Variants in AGR3 observed in about 807,000 individuals in gnomAD.
AGR3 encodes anterior gradient 3, protein disulphide isomerase family member, also known as anterior gradient protein 3.
AGR3 carries 37 observed loss-of-function variants against 24.5 expected under a neutral mutation model. The ratio of observed to expected loss-of-function variants is 1.51; its 90% CI spans 1.16 to 1.99. The LOEUF (loss-of-function observed/expected upper bound fraction) is 1.99, where lower values mean the gene tolerates loss of function less well. Ranked by LOEUF, AGR3 falls within the 30% of genes most tolerant of loss-of-function variation. The pLI is 0.00. For synonymous variants in AGR3, 75 were observed against 61.6 expected (o/e 1.22, Z -1.02); for missense variants, 228 against 191.1 (o/e 1.19, Z -1.14).
Position 16,859,442 on chromosome 7 carries a change from A to G in AGR3, c.*140T>C. 1.6e-6 allele frequency: 1 copy of G among 607,178 alleles called. No individual in the cohort carries two copies. The highest frequency in any genetic ancestry group is 2.9e-6 in the Non-Finnish European group (1 of 347,980). The allele number at this position is 607,178 out of a possible 1,614,324, so 37.6% of individuals were successfully genotyped here. ...TTTAAAAAACATTTATTTTAATAAG[A>G]CTATTGCAAACACATTAAAAAAACT... On this transcript the variant is annotated 3_prime_UTR_variant, in exon 8 of 8. Coordinates refer to ENST00000310398, the MANE Select transcript of AGR3 (RefSeq NM_176813.5).
In AGR3 at chr7:16,860,592, G is replaced by GA. The variant is rs1374890617; in HGVS notation, c.368-10dup. 4 of 1,597,262 alleles carry GA rather than the reference G, an allele frequency of 2.5e-6. No individual in the cohort carries two copies. The highest frequency in any genetic ancestry group is 1.1e-5 in the South Asian group (1 of 88,358). ...AACTGTTAAAGAAGGGTCTGTCAAG[G>GA]AAAAAACCAAGTCACGAAAGTATAA... is the stretch of plus-strand genomic sequence containing the variant. On this transcript the variant is annotated splice_polypyrimidine_tract_variant and intron_variant, in intron 6 of 7. Coordinates refer to ENST00000310398, the MANE Select transcript of AGR3 (RefSeq NM_176813.5).
intron 6 of AGR3, 69 bp downstream of exon 6, chr7:16,861,315 A>G: frequency 7.9e-7 from 1 of 1,262,426 alleles, no homozygotes; most frequent in Admixed American, 2.4e-5. Flanking sequence ...ACTAGCATTT[A>G]AAAATAAAAG....
At chr7:16,862,575 A>T (rs1781670747) in intron 4 of AGR3, 35 bp downstream of exon 4, 2 of 1,326,754 alleles carry the variant, frequency 1.5e-6, no homozygotes, top group East Asian at 2.7e-5. Context: ...TGGAAATATT[A>T]TATATTATAA....
intron 3 of AGR3, among the ~76,000 whole-genome samples, chr7:16,869,354 C>CTTTGT (rs571910428): frequency 3.4e-4 from 51 of 152,044 alleles, no homozygotes; most frequent in South Asian, 1.0e-3. Context: ...AGTATAGCTA[C>CTTTGT]TTTGTTTTGT....
chr7:16,865,072 C>G, intron 3 of AGR3: 1 of 777,462 alleles, frequency 1.3e-6, no homozygotes, highest in Non-Finnish European at 2.3e-6. Flanking sequence ...GAGTCTGATT[C>G]TGTTAAAGAT....
rs1219872004 is a variant in AGR3 at position 16,880,523 on chromosome 7, TCCCC to T, written c.-28+1417_-28+1420del. On this transcript the variant is annotated intron_variant, in intron 1 of 7. Coordinates refer to ENST00000310398, the MANE Select transcript of AGR3 (RefSeq NM_176813.5). ...CTTTCCCCTCCTCTTTCCCCTCCTC[TCCCC>T]TCCCCTCCCCTCCCCTCCTCTCCCC... Among the ~76,000 whole-genome samples, 339 of 34,620 alleles carry T rather than the reference TCCCC, an allele frequency of 9.8e-3. 5 individuals are homozygous for T. Among genetic ancestry groups the T allele is most frequent in the South Asian group, 0.013 (7 of 546 alleles). 22.7% of individuals were successfully genotyped at this position (34,620 alleles called of 152,430 possible).
downstream of AGR3, among the ~76,000 whole-genome samples, chr7:16,854,751 G>T (rs995572330): frequency 1.3e-5 from 2 of 152,184 alleles, no homozygotes; most frequent in Non-Finnish European, 2.9e-5. Flanking sequence ...TGTTGGCAGG[G>T]TTGGTTCCTT....
At chr7:16,864,582 A>G in intron 3 of AGR3, 1 of 1,458,852 alleles carries the variant, frequency 6.9e-7, no homozygotes, top group Non-Finnish European at 9.6e-7. Flanking sequence ...GAGAAATCTG[A>G]GCTTGATTTC....
intron 3 of AGR3, among the ~76,000 whole-genome samples, chr7:16,872,997 T>A (rs1781913012): frequency 6.6e-6 from 1 of 152,174 alleles, no homozygotes; most frequent in African/African-American, 2.4e-5. Flanking sequence ...TTATACACTG[T>A]TGGTAGGAAT....
chr7:16,855,455 C>T (rs1480169950), downstream of AGR3, among the ~76,000 whole-genome samples: 1 of 152,060 alleles, frequency 6.6e-6, no homozygotes, highest in Non-Finnish European at 1.5e-5. Flanking sequence ...AACTGAATCA[C>T]TGCTAATACC....
Position 16,863,400 on chromosome 7 carries a change from AAAC to A in AGR3, c.174-741_174-739del, listed in dbSNP as rs552302536. ...CATTCTTGCACGTTGCAGAATATACAAACAACCTGAGTGGGAGTTCCCTATTTC... is the reference window on the plus strand; with the variant it reads ...CATTCTTGCACGTTGCAGAATATACAAACCTGAGTGGGAGTTCCCTATTTC... On this transcript the variant is annotated intron_variant, in intron 3 of 7. Transcript: ENST00000310398. Among the ~76,000 whole-genome samples, 797 of 152,292 alleles carry A rather than the reference AAAC, an allele frequency of 5.2e-3. 2 individuals are homozygous for A. Among genetic ancestry groups the A allele is most frequent in the African/African-American group, 0.018 (754 of 41,558 alleles).
downstream of AGR3, among the ~76,000 whole-genome samples, chr7:16,855,620 G>A (rs1781547609): frequency 6.6e-6 from 1 of 152,022 alleles, no homozygotes; most frequent in Admixed American, 6.6e-5. Flanking sequence ...TGCTCCCAAG[G>A]ACTTTCCATT....
Position 16,860,528 on chromosome 7 carries a change from G to T in AGR3, c.423C>A (p.Tyr141Ter). The T allele has an allele frequency of 6.2e-7, 1 of 1,613,754 alleles. No individual in the cohort carries two copies. Among genetic ancestry groups the T allele is most frequent in the Non-Finnish European group, 8.5e-7 (1 of 1,179,738 alleles). Residue 141 changes from tyrosine (Y) to a stop codon, truncating the protein, a stop_gained, in exon 7 of 8, where the codon TAC (tyrosine) becomes TAA (stop). Transcript: ENST00000310398. LOFTEE classifies it low-confidence loss of function (END_TRUNC). ...DIAGRYSNRL[Y>*]TYEPRDLPLL... ...GGGGTAAATCCCGAGGCTCATATGT[G>T]TACAATCTGTTAGAGTATCTTCCAG...
Position 16,864,982 on chromosome 7 carries a change from T to C in AGR3, c.174-2320A>G, listed in dbSNP as rs572440633. 11 of 985,410 alleles carry C rather than the reference T, an allele frequency of 1.1e-5. No homozygotes were observed. In the East Asian group the frequency reaches 2.4e-4, roughly 21 times the overall value. The allele number at this position is 985,410 out of a possible 1,614,324, so 61.0% of individuals were successfully genotyped here. On this transcript the variant is annotated intron_variant, in intron 3 of 7. Transcript: ENST00000310398. ...TAAATTAAATAAGTCTCCTGGCATG[T>C]GTGACATTTCTACTACCTCCTCAGG... is the stretch of plus-strand genomic sequence containing the variant.
At chr7:16,875,409 G>T (rs1209275343) in intron 2 of AGR3, among the ~76,000 whole-genome samples, 1 of 151,866 alleles carries the variant, frequency 6.6e-6, no homozygotes, top group Admixed American at 6.6e-5. Context: ...CCTTTTTAAG[G>T]TTCATCCTTA....
chr7:16,873,678 G>C, intron 3 of AGR3, 102 bp downstream of exon 3: 1 of 853,372 alleles, frequency 1.2e-6, no homozygotes, highest in Non-Finnish European at 1.9e-6. Context: ...ACTACACATT[G>C]TGTACATGTA....
chr7:16,859,870 C>T (rs1472691543), intron 7 of AGR3, among the ~76,000 whole-genome samples: 1 of 151,894 alleles, frequency 6.6e-6, no homozygotes, highest in Non-Finnish European at 1.5e-5. Flanking sequence ...TGAGGAGTAC[C>T]TCTTTTTTTT....
At chr7:16,854,878 A>T (rs189009283), downstream of AGR3, among the ~76,000 whole-genome samples, 6 of 152,250 alleles carry the variant, frequency 3.9e-5, no homozygotes, top group Admixed American at 3.9e-4. Flanking sequence ...CTCACATGGC[A>T]TTCCTTCTGT....
intron 1 of AGR3, among the ~76,000 whole-genome samples, chr7:16,881,245 T>G (rs540615366): frequency 6.6e-5 from 10 of 152,322 alleles, no homozygotes; most frequent in African/African-American, 2.2e-4. Context: ...TTTCAAGTCT[T>G]TATGTATTAT....
Sources: gnomAD v4.1 joint callset for allele counts (sites outside exome capture counted in the v4.1 genomes callset) on GRCh38, gnomAD v4.1.1 for gene constraint, MANE v1.5 for transcripts, NCBI Gene and HGNC (gene_info 2026-07-23, HGNC 2026-07-21) for gene names.